The following SMG6 variants were observed in gnomAD, a reference collection of about 807,000 sequenced individuals.
The protein encoded by SMG6 is telomerase-binding protein EST1A.
Under a neutral mutation model 142.2 loss-of-function variants are expected in SMG6, and 66 were observed. The observed-to-expected ratio is 0.46, with a 90% CI of 0.38 to 0.57. The LOEUF is 0.57. SMG6 is among the 20% of genes least tolerant of loss of function. The pLI is 0.00. For synonymous variants in SMG6, 779 were observed against 702.4 expected (o/e 1.11, Z -1.72); for missense variants, 1,793 against 1,832.0 (o/e 0.98, Z 0.39).
chr17:2,120,665 G>C (rs1457224882), intron 13 of SMG6, among the ~76,000 whole-genome samples: 2 of 152,206 alleles, frequency 1.3e-5, no homozygotes, highest in Non-Finnish European at 2.9e-5. Flanking sequence ...CAAGTCTGCA[G>C]TGAGCTGTGA....
intron 13 of SMG6, among the ~76,000 whole-genome samples, chr17:2,109,296 C>A (rs1346258805): frequency 6.6e-6 from 1 of 151,918 alleles, no homozygotes; most frequent in East Asian, 1.9e-4. Context: ...TGGAGACTTG[C>A]TTTGTCACCC....
chr17:2,248,650 C>T (rs1462425175), intron 8 of SMG6, among the ~76,000 whole-genome samples: 2 of 152,230 alleles, frequency 1.3e-5, no homozygotes, highest in Non-Finnish European at 2.9e-5. Context: ...CACACTCTCC[C>T]TAACCTTAGT....
chr17:2,184,596 G>A (rs563466351), intron 12 of SMG6, among the ~76,000 whole-genome samples: 1 of 147,950 alleles, frequency 6.8e-6, no homozygotes. Flanking sequence ...GGCTGAGGAT[G>A]CAGTGAGCTG....
At chr17:2,261,017 G>A (rs9891227) in intron 8 of SMG6, among the ~76,000 whole-genome samples, 58,909 of 140,674 alleles carry the variant, frequency 0.42, 12,936 homozygotes, top group African/African-American at 0.61. Context: ...TAAGAAAAAA[G>A]AAAAAAAAGT....
intron 8 of SMG6, among the ~76,000 whole-genome samples, chr17:2,249,206 A>C (rs2073994636): frequency 6.6e-6 from 1 of 151,726 alleles, no homozygotes; most frequent in African/African-American, 2.4e-5. Flanking sequence ...ACTGACCCCA[A>C]ACCCATAGTC....
At chr17:2,169,488 A>G (rs570562139) in intron 13 of SMG6, among the ~76,000 whole-genome samples, 2 of 152,334 alleles carry the variant, frequency 1.3e-5, no homozygotes, top group East Asian at 1.9e-4. Flanking sequence ...TTATATGATT[A>G]TATGATGTGG....
Position 2,150,751 on chromosome 17 carries a change from A to C in SMG6, c.3357+21907T>G, listed in dbSNP as rs187965232. Among the ~76,000 whole-genome samples, 427 of 152,340 alleles carry C rather than the reference A, an allele frequency of 2.8e-3. 3 individuals are homozygous for C. The highest frequency in any genetic ancestry group is 9.9e-3 in the African/African-American group (412 of 41,580). On this transcript the variant is annotated intron_variant, in intron 13 of 18. Coordinates refer to ENST00000263073, the MANE Select transcript of SMG6 (RefSeq NM_017575.5). The stretch of plus-strand genomic sequence containing the variant: ...CCTATACAAAGTATGACTCTAAGGT[A>C]ATAAGATATGTTTTTAAAAATCACA...
intron 12 of SMG6, among the ~76,000 whole-genome samples, chr17:2,179,158 C>G (rs958613000): frequency 1.3e-5 from 2 of 152,196 alleles, no homozygotes; most frequent in Admixed American, 1.3e-4. Context: ...AACGCCCCAA[C>G]CCGGAGCCAG....
At chr17:2,243,645 ACTCCAGC>A (rs2073863877) in intron 9 of SMG6, among the ~76,000 whole-genome samples, 1 of 152,152 alleles carries the variant, frequency 6.6e-6, no homozygotes, top group Non-Finnish European at 1.5e-5. Context: ...ATGCCGCTGC[ACTCCAGC>A]CTGGGCAAGA....
intron 13 of SMG6, chr17:2,127,398 T>TC (rs891188903): frequency 2.8e-5 from 19 of 679,328 alleles, no homozygotes; most frequent in Middle Eastern, 2.9e-4. Flanking sequence ...TAAATCCTTT[T>TC]CCCCCCCTCT....
chr17:2,227,461 C>T (rs896206481), intron 10 of SMG6, among the ~76,000 whole-genome samples: 5 of 152,186 alleles, frequency 3.3e-5, no homozygotes, highest in African/African-American at 1.2e-4. Flanking sequence ...AGAAGTCAGA[C>T]ATTAGTCAGA....
chr17:2,087,253 G>A, intron 13 of SMG6: 1 of 1,287,310 alleles, frequency 7.8e-7, no homozygotes, highest in African/African-American at 1.5e-5. Context: ...GGGAAGCTCG[G>A]CTGGGTACCA....
chr17:2,292,722 G>C lies in SMG6; in HGVS notation c.2259-92C>G, dbSNP rs1597800018. Reference sequence around the variant, plus strand: ...GCCCTAATACTTAAAACATAAGGTAGAGTGTTAGATGTAACCCTGGAGGGG... The same window carrying C: ...GCCCTAATACTTAAAACATAAGGTACAGTGTTAGATGTAACCCTGGAGGGG... On this transcript the variant is annotated intron_variant, in intron 5 of 18. Coordinates refer to ENST00000263073, the MANE Select transcript of SMG6 (RefSeq NM_017575.5). 4.0e-6 allele frequency: 6 copies of C among 1,515,372 alleles called. No homozygotes were observed. In the Admixed American group the frequency reaches 5.1e-5, roughly 13 times the overall value. The allele number at this position is 1,515,372 out of a possible 1,614,324, so 93.9% of individuals were successfully genotyped here. A position where few individuals can be genotyped will look rare whatever the true frequency, so the allele number is the denominator to read the frequency against.
Position 2,282,682 on chromosome 17 carries a change from G to A in SMG6, c.2626C>T (p.Gln876Ter). The A allele has an allele frequency of 6.2e-7, 1 of 1,614,016 alleles. No individual in the cohort carries two copies. Among genetic ancestry groups the A allele is most frequent in the Non-Finnish European group, 8.5e-7 (1 of 1,179,958 alleles). ...CTCAGGCTGCCCAGCCCATTCTCTT[G>A]CTCAGAATCCTTCCCAGACTCAGTG... ...QGTESGKDSE[Q>*]ENGLGSLSPS... The change falls in exon 8 of 19, where the codon CAA (glutamine) becomes TAA (stop). Residue 876 changes from glutamine to a stop codon, truncating the protein, a stop_gained. Coordinates refer to ENST00000263073, the MANE Select transcript of SMG6 (RefSeq NM_017575.5). LOFTEE classifies it high-confidence loss of function.
At chr17:2,102,522 A>C (rs1345128081) in intron 13 of SMG6, among the ~76,000 whole-genome samples, 1 of 141,702 alleles carries the variant, frequency 7.1e-6, no homozygotes, top group Non-Finnish European at 1.5e-5. Context: ...ACATCCTGCT[A>C]ATTTCATTTT....
chr17:2,179,137 G>A (rs2071732140), intron 12 of SMG6, among the ~76,000 whole-genome samples: 5 of 152,186 alleles, frequency 3.3e-5, no homozygotes, highest in Admixed American at 3.3e-4. Flanking sequence ...CTGGTGCCAG[G>A]CTGCAGTGCT....
At chr17:2,185,193 T>C (rs954794884) in intron 12 of SMG6, among the ~76,000 whole-genome samples, 2 of 151,868 alleles carry the variant, frequency 1.3e-5, no homozygotes, top group African/African-American at 2.4e-5. Flanking sequence ...GTTGGATGGA[T>C]GCACATGGAC....
intron 6 of SMG6, among the ~76,000 whole-genome samples, chr17:2,289,065 C>A (rs1015266874): frequency 8.4e-6 from 1 of 118,664 alleles, no homozygotes; most frequent in Non-Finnish European, 1.7e-5. Flanking sequence ...GGCAACAGAG[C>A]AAGACTCTGT....
chr17:2,190,799 T>TA (rs1172043252), intron 10 of SMG6, among the ~76,000 whole-genome samples: 1 of 152,216 alleles, frequency 6.6e-6, no homozygotes, highest in Non-Finnish European at 1.5e-5. Flanking sequence ...CCCCATCCCC[T>TA]AACCCCCTCC....
Sources: allele counts gnomAD v4.1 joint callset (sites outside exome capture counted in the v4.1 genomes callset), GRCh38; gene constraint gnomAD v4.1.1; transcripts MANE v1.5; gene names NCBI Gene and HGNC (gene_info 2026-07-23, HGNC 2026-07-21).